The following RTF1 variants were observed in gnomAD, a reference collection of about 807,000 sequenced individuals.
The protein encoded by RTF1 is RNA polymerase-associated protein RTF1 homolog.
Under a neutral mutation model 95.7 loss-of-function variants are expected in RTF1, and 10 were observed. The ratio of observed to expected loss-of-function variants is 0.10; its 90% CI spans 0.06 to 0.18. RTF1 has a LOEUF of 0.18. Among genes scored for constraint, RTF1 ranks in the 10% least tolerant of loss-of-function variants. The pLI, the probability that RTF1 is intolerant of heterozygous loss-of-function variation, is 1.00. For missense variants in RTF1, 458 were observed against 875.6 expected, an observed-to-expected ratio of 0.52 and a Z score of 6.02; for synonymous variants, 305 against 311.8, an observed-to-expected ratio of 0.98 and a Z score of 0.23.
intron 8 of RTF1, 74 bp downstream of exon 8, chr15:41,471,423 G>GA (rs998942754): frequency 4.9e-6 from 7 of 1,438,338 alleles, no homozygotes; most frequent in African/African-American, 4.3e-5. Context: ...AGGAGCTACT[G>GA]AAAAAATCGA....
chr15:41,474,559 AGT>A, intron 8 of RTF1, 59 bp from the exon 9 acceptor site: 1 of 1,130,940 alleles, frequency 8.8e-7, no homozygotes, highest in Middle Eastern at 2.0e-4. Context: ...GCAAAGGAAG[AGT>A]GTTGTGGAAA....
At chr15:41,464,236 T>C (rs556177790) in intron 4 of RTF1, among the ~76,000 whole-genome samples, 8 of 151,252 alleles carry the variant, frequency 5.3e-5, no homozygotes, top group African/African-American at 1.9e-4. Context: ...CAATACCCTA[T>C]ATATGTTCTC....
At chr15:41,439,303 G>T (rs557942986) in intron 2 of RTF1, among the ~76,000 whole-genome samples, 23 of 151,942 alleles carry the variant, frequency 1.5e-4, no homozygotes, top group African/African-American at 5.3e-4. Flanking sequence ...CAAAGTGCTG[G>T]GATTACAGGT....
intron 2 of RTF1, among the ~76,000 whole-genome samples, chr15:41,441,666 A>G (rs554906456): frequency 3.3e-4 from 50 of 152,284 alleles, no homozygotes; most frequent in African/African-American, 1.1e-3. Context: ...TCATCTTAGA[A>G]CACTACCCAA....
chr15:41,446,891 C>T (rs1283716108), intron 2 of RTF1, among the ~76,000 whole-genome samples: 1 of 151,916 alleles, frequency 6.6e-6, no homozygotes, highest in East Asian at 1.9e-4. Context: ...CAACCTCCAC[C>T]TCCCAGGTTC....
intron 2 of RTF1, among the ~76,000 whole-genome samples, chr15:41,439,311 G>C (rs1297994039): frequency 6.6e-6 from 1 of 152,082 alleles, no homozygotes; most frequent in Non-Finnish European, 1.5e-5. Context: ...TGGGATTACA[G>C]GTGTGAGCCA....
chr15:41,432,466 G>T (rs2050680095), intron 1 of RTF1, among the ~76,000 whole-genome samples: 1 of 151,888 alleles, frequency 6.6e-6, no homozygotes, highest in African/African-American at 2.4e-5. Flanking sequence ...CAAAGTGCTG[G>T]GATTACAGGC....
intron 4 of RTF1, among the ~76,000 whole-genome samples, chr15:41,459,266 G>T (rs975845451): frequency 6.6e-6 from 1 of 151,816 alleles, no homozygotes; most frequent in African/African-American, 2.4e-5. Flanking sequence ...CCAGGTACTT[G>T]GGAGGCTGAG....
chr15:41,474,577 G>T, intron 8 of RTF1, 43 bp from the exon 9 acceptor site: 1 of 1,374,174 alleles, frequency 7.3e-7, no homozygotes, highest in Non-Finnish European at 1.0e-6. Context: ...GGAAAGCTCC[G>T]GAAGAGTCTG....
chr15:41,476,396 C>T (rs774815568), intron 11 of RTF1, 50 bp from the exon 12 acceptor site: 4 of 1,542,422 alleles, frequency 2.6e-6, no homozygotes, highest in South Asian at 2.2e-5. Flanking sequence ...AGCCTGTCTA[C>T]AAAAATAGCT....
chr15:41,443,433 A>G (rs1229214284), intron 2 of RTF1, among the ~76,000 whole-genome samples: 3 of 152,190 alleles, frequency 2.0e-5, no homozygotes, highest in African/African-American at 7.2e-5. Flanking sequence ...ACATTGGCCA[A>G]GGTCAAGGTC....
Position 41,482,819 on chromosome 15 carries a change from T to G in RTF1, c.*2132T>G, listed in dbSNP as rs531652876. On this transcript the variant is annotated 3_prime_UTR_variant, in exon 18 of 18. Transcript: ENST00000389629. ...TCTCCTATCATGATGAACTTGGACT[T>G]TTTTTTTTGATTTCTGGTTTTAAAA... 21 of 151,510 alleles carry G rather than the reference T, an allele frequency of 1.4e-4. No individual in the cohort carries two copies. The highest frequency in any genetic ancestry group is 5.1e-4 in the African/African-American group (21 of 41,312). 9.4% of individuals were successfully genotyped at this position (151,510 alleles called of 1,614,324 possible). A position where few individuals can be genotyped will look rare whatever the true frequency, so the allele number is the denominator to read the frequency against.
At chr15:41,464,656 A>T in intron 4 of RTF1, 115 bp from the exon 5 acceptor site, 7 of 827,316 alleles carry the variant, frequency 8.5e-6, no homozygotes, top group Non-Finnish European at 1.3e-5. Flanking sequence ...AGTTTCTTGC[A>T]GGAAAGCCAA....
chr15:41,422,441 G>A (rs760702494), intron 1 of RTF1, among the ~76,000 whole-genome samples: 13 of 152,012 alleles, frequency 8.6e-5, no homozygotes, highest in Non-Finnish European at 1.5e-4. Flanking sequence ...GTGCCTATTG[G>A]GAAATAATAA....
intron 3 of RTF1, among the ~76,000 whole-genome samples, chr15:41,455,132 G>T (rs946234545): frequency 6.6e-5 from 10 of 151,186 alleles, no homozygotes; most frequent in African/African-American, 2.4e-4. Flanking sequence ...TGGCCAACAT[G>T]GTGAAACCCC....
intron 1 of RTF1, among the ~76,000 whole-genome samples, chr15:41,432,709 C>T (rs985541651): frequency 5.4e-5 from 8 of 149,348 alleles, no homozygotes; most frequent in Non-Finnish European, 1.2e-4. Flanking sequence ...GAGGCCAAGG[C>T]GGCGGCTCAC....
intron 11 of RTF1, 150 bp downstream of exon 11, chr15:41,475,969 C>A (rs1403548942): frequency 1.7e-6 from 1 of 587,244 alleles, no homozygotes; most frequent in Non-Finnish European, 3.0e-6. Flanking sequence ...ATTTATAGTT[C>A]ATCAAGCTTT....
Position 41,477,183 on chromosome 15 carries a change from G to A in RTF1, c.1579G>A (p.Gly527Arg), listed in dbSNP as rs752445402. The A allele has an allele frequency of 6.2e-7, 1 of 1,614,190 alleles. No individual in the cohort carries two copies. Among genetic ancestry groups the A allele is most frequent in the Non-Finnish European group, 8.5e-7 (1 of 1,180,044 alleles). The part of the protein sequence containing the change: ...LKEKAMAEDL[G>R]DQDKAKQIQD... ...TGTGTAGGCCATGGCTGAGGACCTG[G>A]GGGATCAGGACAAGGCCAAACAAAT... Residue 527 changes from glycine (G) to arginine (R), a missense_variant, in exon 13 of 18, where the codon GGG becomes AGG. Coordinates refer to ENST00000389629, the MANE Select transcript of RTF1 (RefSeq NM_015138.5).
intron 2 of RTF1, among the ~76,000 whole-genome samples, 199 bp from the exon 3 acceptor site, chr15:41,452,702 C>T (rs1342452889): frequency 6.6e-6 from 1 of 151,940 alleles, no homozygotes; most frequent in Non-Finnish European, 1.5e-5. Flanking sequence ...CCACTGCACT[C>T]CAGCCTGGAC....
Sources: gnomAD v4.1 joint callset for allele counts (sites outside exome capture counted in the v4.1 genomes callset) on GRCh38, gnomAD v4.1.1 for gene constraint, MANE v1.5 for transcripts, NCBI Gene and HGNC (gene_info 2026-07-23, HGNC 2026-07-21) for gene names.